CYP2C18: variants seen among roughly 807,000 people sequenced by gnomAD.
The protein encoded by CYP2C18 is cytochrome P450 family 2 subfamily C member 18.
CYP2C18 carries 38 observed loss-of-function variants against 41.3 expected under a neutral mutation model. The ratio of observed to expected loss-of-function variants is 0.92; its 90% CI spans 0.71 to 1.21. The LOEUF (loss-of-function observed/expected upper bound fraction) is 1.21. Ranked by LOEUF, CYP2C18 falls within the 50% of genes most tolerant of loss-of-function variation. CYP2C18 has a pLI of 0.00. For missense variants in CYP2C18, 635 were observed against 591.4 expected, an observed-to-expected ratio of 1.07 and a Z score of -0.77; for synonymous variants, 236 against 210.0, an observed-to-expected ratio of 1.12 and a Z score of -1.07.
At chr10:94,706,033 A>C (rs1847336858) in intron 4 of CYP2C18, among the ~76,000 whole-genome samples, 1 of 152,158 alleles carries the variant, frequency 6.6e-6, no homozygotes, top group South Asian at 2.1e-4. Context: ...ATTATTTGGC[A>C]AAAGGGGAGG....
rs35672164 is a variant in CYP2C18, at chr10:94,712,008, A to ATTTTTTTTTTTTTTTTTTT, written c.819+5050_819+5068dup. ...AGGTGCATGCCACCATGCCCAACTA[A>ATTTTTTTTTTTTTTTTTTT]TTTTTTTTTTTTTTTTTTTTGTAGA... On this transcript the variant is annotated intron_variant, in intron 5 of 8. Transcript: ENST00000285979. Among the ~76,000 whole-genome samples, 88 of 97,856 alleles carry ATTTTTTTTTTTTTTTTTTT rather than the reference A, an allele frequency of 9.0e-4. 3 individuals are homozygous for ATTTTTTTTTTTTTTTTTTT. The highest frequency in any genetic ancestry group is 6.3e-3 in the East Asian group (18 of 2,838). 64.2% of individuals were successfully genotyped at this position (97,856 alleles called of 152,430 possible). A position where few individuals can be genotyped will look rare whatever the true frequency, so the allele number is the denominator to read the frequency against.
chr10:94,726,947 A>T (rs1847752204), intron 7 of CYP2C18, among the ~76,000 whole-genome samples: 1 of 152,192 alleles, frequency 6.6e-6, no homozygotes, highest in African/African-American at 2.4e-5. Flanking sequence ...CTTATAGGGA[A>T]GAGGGAATTC....
chr10:94,718,175 G>A (rs112347410), intron 5 of CYP2C18, among the ~76,000 whole-genome samples: 3 of 151,814 alleles, frequency 2.0e-5, no homozygotes, highest in African/African-American at 7.2e-5. Context: ...TTGGTTAAAT[G>A]TACTCCTAAA....
At chr10:94,718,049 A>G (rs768106467) in intron 5 of CYP2C18, among the ~76,000 whole-genome samples, 3 of 152,044 alleles carry the variant, frequency 2.0e-5, no homozygotes, top group African/African-American at 4.8e-5. Flanking sequence ...TTTAGATAGT[A>G]TGGACATTTT....
At chr10:94,699,181 G>T (rs1379779446) in intron 4 of CYP2C18, among the ~76,000 whole-genome samples, 1 of 152,140 alleles carries the variant, frequency 6.6e-6, no homozygotes, top group Admixed American at 6.5e-5. Context: ...AACAAAAAAA[G>T]AGAACTTTAG....
intron 3 of CYP2C18, among the ~76,000 whole-genome samples, chr10:94,693,318 C>T (rs980155760): frequency 1.3e-5 from 2 of 152,022 alleles, no homozygotes; most frequent in African/African-American, 4.8e-5. Flanking sequence ...TGTGTAGCAC[C>T]TCCCACCTCC....
Position 94,733,326 on chromosome 10 carries a change from T to C in CYP2C18, c.1179T>C (p.Ser393=), listed in dbSNP as rs78319229. 1,010 of 1,613,348 alleles carry C rather than the reference T, an allele frequency of 6.3e-4. 6 individuals carry two copies. The African/African-American group carries it at 0.012, about 19-fold the overall frequency. Residue 393 remains serine (S), a synonymous_variant, in exon 8 of 9, where the codon TCT becomes TCC. Transcript: ENST00000285979. The part of the protein sequence containing the change: ...KGTTIITSLT[S]VLHNDKEFPN... ...CGACCATAATAACATCCCTGACTTC[T>C]GTGCTGCACAATGACAAAGAATTCC...
rs116785012 is a variant in CYP2C18, at chr10:94,708,914, C to T, written c.819+1954C>T. ...CATAGCATGTATCAGTACCTCATTC[C>T]TTTATGTGGTCAAATAATATTTGGG... On this transcript the variant is annotated intron_variant, in intron 5 of 8. Transcript: ENST00000285979. 9.0e-3 allele frequency among the ~76,000 whole-genome samples: 1,363 copies of T among 152,208 alleles called. 22 individuals are homozygous for T. The highest frequency in any genetic ancestry group is 0.03 in the African/African-American group (1,237 of 41,514).
intron 5 of CYP2C18, among the ~76,000 whole-genome samples, chr10:94,710,190 C>A (rs2134193443): frequency 6.6e-6 from 1 of 152,322 alleles, no homozygotes; most frequent in Non-Finnish European, 1.5e-5. Context: ...AGGCTGGCCT[C>A]CAACTGCTGG....
chr10:94,695,545 A>G (rs1317596143), intron 4 of CYP2C18, among the ~76,000 whole-genome samples: 1 of 152,030 alleles, frequency 6.6e-6, no homozygotes, highest in Non-Finnish European at 1.5e-5. Context: ...GCTGGATGTG[A>G]AATGCTGGGT....
At chr10:94,698,496 T>C (rs1282069718) in intron 4 of CYP2C18, among the ~76,000 whole-genome samples, 1 of 152,132 alleles carries the variant, frequency 6.6e-6, no homozygotes, top group Non-Finnish European at 1.5e-5. Flanking sequence ...TAGAGGGAAA[T>C]GTATAGCACT....
At chr10:94,702,038 C>A (rs1254175531) in intron 4 of CYP2C18, among the ~76,000 whole-genome samples, 1 of 152,096 alleles carries the variant, frequency 6.6e-6, no homozygotes, top group East Asian at 1.9e-4. Flanking sequence ...AAATTCTTTT[C>A]TTTAAAAATG....
chr10:94,722,266 A>AT (rs143171064), intron 6 of CYP2C18, among the ~76,000 whole-genome samples: 1,844 of 151,670 alleles, frequency 0.012, 54 homozygotes, highest in African/African-American at 0.043. Context: ...ACTTGTCAAT[A>AT]TTTTTTCTTA....
chr10:94,705,984 G>A (rs1424094090), intron 4 of CYP2C18, among the ~76,000 whole-genome samples: 1 of 152,112 alleles, frequency 6.6e-6, no homozygotes. Flanking sequence ...TTACTCACAG[G>A]CTTTTCCTCT....
intron 6 of CYP2C18, among the ~76,000 whole-genome samples, chr10:94,723,665 A>T (rs1434250696): frequency 6.6e-6 from 1 of 152,108 alleles, no homozygotes; most frequent in Non-Finnish European, 1.5e-5. Context: ...GAGTGGGGGA[A>T]GTGTGAATGT....
chr10:94,700,225 CTA>C (rs2134185394), intron 4 of CYP2C18, among the ~76,000 whole-genome samples: 1 of 152,328 alleles, frequency 6.6e-6, no homozygotes, highest in African/African-American at 2.4e-5. Flanking sequence ...TGACTTCAAA[CTA>C]TACTACAAGG....
intron 7 of CYP2C18, among the ~76,000 whole-genome samples, chr10:94,730,947 C>T (rs1847820658): frequency 1.3e-5 from 2 of 152,068 alleles, no homozygotes; most frequent in Non-Finnish European, 2.9e-5. Context: ...AATATTAAAT[C>T]CCTAGGAATA....
intron 6 of CYP2C18, 28 bp from the exon 7 acceptor site, chr10:94,724,318 C>G: frequency 1.2e-6 from 2 of 1,610,994 alleles, no homozygotes; most frequent in Non-Finnish European, 1.7e-6. Flanking sequence ...TCCTCCTTTT[C>G]CATCATTTCT....
intron 6 of CYP2C18, 42 bp downstream of exon 6, chr10:94,720,579 G>T: frequency 6.3e-7 from 1 of 1,583,760 alleles, no homozygotes; most frequent in Non-Finnish European, 8.6e-7. Context: ...TTTCAGAAAA[G>T]ATGTTGGGAA....
Sources: allele counts gnomAD v4.1 joint callset (sites outside exome capture counted in the v4.1 genomes callset), GRCh38; gene constraint gnomAD v4.1.1; transcripts MANE v1.5; gene names NCBI Gene and HGNC (gene_info 2026-07-23, HGNC 2026-07-21).